The following SPOCK1 variants were observed in gnomAD, a reference collection of about 807,000 sequenced individuals.
SPOCK1 encodes the protein SPARC (osteonectin), cwcv and kazal like domains proteoglycan 1.
SPOCK1 carries 23 observed loss-of-function variants against 55.3 expected under a neutral mutation model. The ratio of observed to expected loss-of-function variants is 0.42; its 90% CI spans 0.30 to 0.59. SPOCK1 has a LOEUF of 0.59. SPOCK1 is among the 20% of genes least tolerant of loss of function. SPOCK1 has a pLI of 0.22. For synonymous variants in SPOCK1, 226 were observed against 221.0 expected (o/e 1.02, Z -0.20); for missense variants, 499 against 552.5 (o/e 0.90, Z 0.97).
chr5:137,418,363 C>T (rs1190513863), intron 2 of SPOCK1, among the ~76,000 whole-genome samples: 1 of 152,152 alleles, frequency 6.6e-6, no homozygotes, highest in African/African-American at 2.4e-5. Context: ...AGTTCTAGAT[C>T]CCTGAGGAAT....
intron 4 of SPOCK1, among the ~76,000 whole-genome samples, chr5:137,117,912 G>T (rs1014566145): frequency 6.6e-6 from 1 of 152,112 alleles, no homozygotes; most frequent in African/African-American, 2.4e-5. Flanking sequence ...CAGGATTCAG[G>T]AATGATAAAT....
At chr5:137,053,253 G>A (rs10059007) in intron 6 of SPOCK1, among the ~76,000 whole-genome samples, 8,032 of 152,182 alleles carry the variant, frequency 0.053, 232 homozygotes, top group East Asian at 0.069. Flanking sequence ...GCGCCAGAGG[G>A]CAAAGTAGTC....
intron 3 of SPOCK1, among the ~76,000 whole-genome samples, chr5:137,163,922 G>A (rs1754604098): frequency 1.3e-5 from 2 of 152,086 alleles, no homozygotes; most frequent in South Asian, 2.1e-4. Context: ...ATTTCTTTCT[G>A]TTTAAAGTAG....
chr5:137,435,889 T>G (rs1357099622), intron 2 of SPOCK1, among the ~76,000 whole-genome samples: 1 of 152,106 alleles, frequency 6.6e-6, no homozygotes. Flanking sequence ...GCGCGGTGGC[T>G]CACACCTGTA....
At chr5:137,460,445 C>T (rs1301186870) in intron 2 of SPOCK1, among the ~76,000 whole-genome samples, 1 of 152,098 alleles carries the variant, frequency 6.6e-6, no homozygotes, top group African/African-American at 2.4e-5. Flanking sequence ...ACAGAAGAGC[C>T]AAGGAGTAAA....
chr5:137,129,401 G>A (rs2127043367), intron 4 of SPOCK1, among the ~76,000 whole-genome samples: 1 of 152,304 alleles, frequency 6.6e-6, no homozygotes, highest in Non-Finnish European at 1.5e-5. Context: ...TGATATTATA[G>A]TAGAAAAAGA....
chr5:137,422,643 T>C (rs1341556828), intron 2 of SPOCK1, among the ~76,000 whole-genome samples: 1 of 152,264 alleles, frequency 6.6e-6, no homozygotes, highest in Non-Finnish European at 1.5e-5. Context: ...CATCAGGTCC[T>C]TTAAGGACTT....
chr5:137,149,414 A>C (rs76548990), intron 3 of SPOCK1, among the ~76,000 whole-genome samples: 6,626 of 152,292 alleles, frequency 0.044, 479 homozygotes, highest in African/African-American at 0.15. Context: ...ATTTCATTAT[A>C]ATTGACATAA....
At chr5:137,202,094 TG>T in intron 3 of SPOCK1, among the ~76,000 whole-genome samples, 1 of 152,210 alleles carries the variant, frequency 6.6e-6, no homozygotes, top group East Asian at 1.9e-4. Flanking sequence ...GAGCAGAGCA[TG>T]GGCTTTGCAT....
At chr5:137,284,829 G>A (rs1459254497) in intron 2 of SPOCK1, among the ~76,000 whole-genome samples, 1 of 152,164 alleles carries the variant, frequency 6.6e-6, no homozygotes, top group Admixed American at 6.5e-5. Flanking sequence ...TTCTGTGACT[G>A]TGAGGGAAGC....
At chr5:137,457,929 G>C (rs949875317) in intron 2 of SPOCK1, among the ~76,000 whole-genome samples, 1 of 152,154 alleles carries the variant, frequency 6.6e-6, no homozygotes, top group African/African-American at 2.4e-5. Context: ...ACTCAATTCT[G>C]TTTTGTGGTT....
chr5:137,129,399 T>C (rs1014675653), intron 4 of SPOCK1, among the ~76,000 whole-genome samples: 2 of 152,310 alleles, frequency 1.3e-5, no homozygotes, highest in East Asian at 3.9e-4. Context: ...TGTGATATTA[T>C]AGTAGAAAAA....
chr5:137,386,786 A>G (rs1048405148), intron 2 of SPOCK1, among the ~76,000 whole-genome samples: 3 of 152,208 alleles, frequency 2.0e-5, no homozygotes, highest in Admixed American at 2.0e-4. Context: ...GACAGAATCC[A>G]TGAAAGAAAG....
At chr5:137,304,571 C>T (rs1162900517) in intron 2 of SPOCK1, among the ~76,000 whole-genome samples, 1 of 152,164 alleles carries the variant, frequency 6.6e-6, no homozygotes, top group South Asian at 2.1e-4. Context: ...GAATGTGCCA[C>T]AGAAGGTGCC....
chr5:137,242,340 T>A (rs1019948662), intron 3 of SPOCK1, among the ~76,000 whole-genome samples: 2 of 152,160 alleles, frequency 1.3e-5, no homozygotes, highest in African/African-American at 4.8e-5. Context: ...TGATGGTGAA[T>A]AAGTCTCATG....
chr5:137,071,528 T>C (rs567684654), intron 5 of SPOCK1, among the ~76,000 whole-genome samples: 127 of 152,348 alleles, frequency 8.3e-4, no homozygotes, highest in African/African-American at 3.0e-3. Context: ...GCTTTTGTTC[T>C]GTTACTAAGC....
At chr5:137,054,459 A>G (rs1363480146) in intron 6 of SPOCK1, among the ~76,000 whole-genome samples, 1 of 152,230 alleles carries the variant, frequency 6.6e-6, no homozygotes, top group Non-Finnish European at 1.5e-5. Flanking sequence ...GGGGGACAGG[A>G]GTCTTCCTGT....
At chr5:137,475,901 T>C (rs1753828775) in intron 2 of SPOCK1, among the ~76,000 whole-genome samples, 1 of 152,180 alleles carries the variant, frequency 6.6e-6, no homozygotes, top group African/African-American at 2.4e-5. Flanking sequence ...TAAAAAAAGA[T>C]GAAGATGTTG....
In SPOCK1 at chr5:137,474,685, T is replaced by C. The variant is rs1207152429; in HGVS notation, c.186+23688A>G. Among the ~76,000 whole-genome samples, 3 of 152,146 alleles carry C rather than the reference T, an allele frequency of 2.0e-5. No homozygotes were observed. The East Asian group carries it at 5.8e-4, about 29-fold the overall frequency. On this transcript the variant is annotated intron_variant, in intron 2 of 10. Coordinates refer to ENST00000394945, the MANE Select transcript of SPOCK1 (RefSeq NM_004598.4). ...TGCTCAAAAGAACAGAAAAGCAAGC[T>C]TGAAAGGGCTCCCATCGTCAGATTT... is the stretch of plus-strand genomic sequence containing the variant.
Sources: gnomAD v4.1 joint callset for allele counts (sites outside exome capture counted in the v4.1 genomes callset) on GRCh38, gnomAD v4.1.1 for gene constraint, MANE v1.5 for transcripts, NCBI Gene and HGNC (gene_info 2026-07-23, HGNC 2026-07-21) for gene names.